Variants in XIRP2 observed in about 807,000 individuals in gnomAD.
XIRP2 encodes xin actin binding repeat containing 2.
XIRP2 carries 236 observed loss-of-function variants against 277.0 expected under a neutral mutation model. The ratio of observed to expected loss-of-function variants is 0.85; its 90% confidence interval spans 0.77 to 0.95. XIRP2 has a LOEUF of 0.95. Among genes scored for constraint, XIRP2 ranks in the 40% least tolerant of loss-of-function variants. The probability of loss-of-function intolerance (pLI) is 0.00; values close to 1 mark genes in which losing one functional copy is unlikely to be tolerated. For missense variants in XIRP2, 4,640 were observed against 4,157.5 expected, an observed-to-expected ratio of 1.12 and a Z score of -3.19; for synonymous variants, 1,490 against 1,416.5, an observed-to-expected ratio of 1.05 and a Z score of -1.17.
intron 2 of XIRP2, among the ~76,000 whole-genome samples, chr2:167,037,271 A>G (rs896169236): frequency 2.0e-5 from 3 of 152,180 alleles, no homozygotes; most frequent in Non-Finnish European, 2.9e-5. Context: ...TCCTCAACAC[A>G]TGGATCATTC....
intron 1 of XIRP2, among the ~76,000 whole-genome samples, chr2:166,893,362 T>C (rs569762249): frequency 6.6e-6 from 1 of 152,216 alleles, no homozygotes; most frequent in Non-Finnish European, 1.5e-5. Context: ...CCAAAAAAAT[T>C]ATTTGCATTT....
intron 2 of XIRP2, among the ~76,000 whole-genome samples, chr2:167,035,225 A>C (rs1459149334): frequency 6.6e-6 from 1 of 152,182 alleles, no homozygotes; most frequent in Non-Finnish European, 1.5e-5. Context: ...AAAATGTGGA[A>C]GCGACTTTGG....
intron 2 of XIRP2, among the ~76,000 whole-genome samples, chr2:167,006,571 G>T (rs529690404): frequency 6.6e-6 from 1 of 151,890 alleles, no homozygotes; most frequent in African/African-American, 2.4e-5. Flanking sequence ...GGGGTGTTCA[G>T]CTGCCTGATG....
intron 3 of XIRP2, among the ~76,000 whole-genome samples, chr2:167,160,960 C>A (rs1253629804): frequency 6.6e-6 from 1 of 152,158 alleles, no homozygotes; most frequent in East Asian, 1.9e-4. Flanking sequence ...GGGTAAATAA[C>A]ACCATTCCAA....
chr2:166,893,429 A>G (rs552034518), intron 1 of XIRP2, among the ~76,000 whole-genome samples: 1 of 152,296 alleles, frequency 6.6e-6, no homozygotes, highest in African/African-American at 2.4e-5. Context: ...CATGCAATAC[A>G]TTCCTTTCTG....
chr2:167,112,613 C>CTA (rs1690790780), intron 2 of XIRP2, among the ~76,000 whole-genome samples: 1 of 147,754 alleles, frequency 6.8e-6, no homozygotes, highest in African/African-American at 2.5e-5. Context: ...ATAAATCTCT[C>CTA]TCTCTATATA....
At chr2:167,141,728 G>A (rs1017475718) in intron 3 of XIRP2, among the ~76,000 whole-genome samples, 2 of 152,060 alleles carry the variant, frequency 1.3e-5, no homozygotes, top group Non-Finnish European at 2.9e-5. Context: ...TGGGCTTGCG[G>A]CACATACCTG....
At chr2:167,184,251 T>C (rs1212507398) in intron 3 of XIRP2, among the ~76,000 whole-genome samples, 2 of 152,212 alleles carry the variant, frequency 1.3e-5, no homozygotes, top group Admixed American at 1.3e-4. Context: ...GACAAGCAGT[T>C]GTTGCACATT....
chr2:166,913,138 C>T (rs552821197), intron 2 of XIRP2, among the ~76,000 whole-genome samples: 3 of 152,316 alleles, frequency 2.0e-5, no homozygotes, highest in African/African-American at 4.8e-5. Context: ...AGCTGTCAGA[C>T]AGGGATGTTT....
At chr2:166,962,678 A>G (rs957745802) in intron 2 of XIRP2, among the ~76,000 whole-genome samples, 5 of 151,832 alleles carry the variant, frequency 3.3e-5, no homozygotes, top group Non-Finnish European at 7.4e-5. Flanking sequence ...TTAATTTGTC[A>G]TGGAGATAAT....
At chr2:167,220,759 C>G (rs1694400920) in intron 5 of XIRP2, among the ~76,000 whole-genome samples, 2 of 152,146 alleles carry the variant, frequency 1.3e-5, no homozygotes, top group Admixed American at 1.3e-4. Flanking sequence ...GACCTCTGTA[C>G]CTTGTTTCCC....
chr2:167,247,930 G>A lies in XIRP2; in HGVS notation c.6538G>A (p.Gly2180Arg), dbSNP rs1695331982. 6.2e-7 allele frequency: 1 copy of A among 1,611,726 alleles called. No individual in the cohort carries two copies. Among genetic ancestry groups the A allele is most frequent in the Admixed American group, 1.7e-5 (1 of 59,606 alleles). Residue 2180 changes from glycine to arginine, a missense_variant, in exon 9 of 11, where the codon GGG becomes AGG. Coordinates refer to ENST00000409195, the MANE Select transcript of XIRP2 (RefSeq NM_152381.6). ...AGTTGGAGGAACTTACGACCTTTCA[G>A]GGGACTTTCAGAAGCAAACTTTGTT... ...MPVGGTYDLS[G>R]DFQKQTLLKQ...
In XIRP2 at chr2:167,008,036, C is replaced by T. The variant is rs1051155248; in HGVS notation, c.408+104146C>T. Among the ~76,000 whole-genome samples the T allele has an allele frequency of 3.3e-5, 5 of 151,440 alleles. No individual in the cohort carries two copies. In the South Asian group the frequency reaches 1.0e-3, roughly 31 times the overall value. ...CCAGTTATGTATTTCTGTTTGTCTTCTTAAAGGGGATGTCCAAATTGCAAA... is the reference window on the plus strand; with the variant it reads ...CCAGTTATGTATTTCTGTTTGTCTTTTTAAAGGGGATGTCCAAATTGCAAA... On this transcript the variant is annotated intron_variant, in intron 2 of 10. Coordinates refer to ENST00000409195, the MANE Select transcript of XIRP2 (RefSeq NM_152381.6).
chr2:167,007,679 A>ACTCTCTCTCT (rs145843756), intron 2 of XIRP2, among the ~76,000 whole-genome samples: 2 of 142,280 alleles, frequency 1.4e-5, no homozygotes, highest in East Asian at 4.2e-4. Flanking sequence ...CCACATGTAC[A>ACTCTCTCTCT]CTCTCTCTCT....
intron 2 of XIRP2, among the ~76,000 whole-genome samples, chr2:166,946,477 C>A (rs1236779204): frequency 6.6e-6 from 1 of 152,090 alleles, no homozygotes; most frequent in Non-Finnish European, 1.5e-5. Flanking sequence ...CCCTGGATGG[C>A]TCTTATTCTA....
chr2:167,118,799 G>T (rs1317956528), intron 2 of XIRP2, among the ~76,000 whole-genome samples: 1 of 152,122 alleles, frequency 6.6e-6, no homozygotes, highest in Non-Finnish European at 1.5e-5. Context: ...AAAGACAGAG[G>T]TTATGAATGT....
intron 2 of XIRP2, among the ~76,000 whole-genome samples, chr2:167,083,172 T>A: frequency 6.6e-6 from 1 of 152,144 alleles, no homozygotes. Flanking sequence ...GGCTAGCCAG[T>A]TTTCCCAGCA....
intron 2 of XIRP2, among the ~76,000 whole-genome samples, chr2:167,054,528 A>T (rs1688995239): frequency 6.6e-6 from 1 of 152,260 alleles, no homozygotes; most frequent in Non-Finnish European, 1.5e-5. Context: ...TGCTAAAAAT[A>T]CAAAAATTAG....
At chr2:167,094,825 T>C (rs1201150913) in intron 2 of XIRP2, among the ~76,000 whole-genome samples, 1 of 152,200 alleles carries the variant, frequency 6.6e-6, no homozygotes, top group Non-Finnish European at 1.5e-5. Context: ...CATATGAACT[T>C]TAAAGTAGTT....
Sources: gnomAD v4.1 joint callset for allele counts (sites outside exome capture counted in the v4.1 genomes callset) on GRCh38, gnomAD v4.1.1 for gene constraint, MANE v1.5 for transcripts, NCBI Gene and HGNC (gene_info 2026-07-23, HGNC 2026-07-21) for gene names.